The following SIGLEC9 variants were observed in gnomAD, a reference collection of about 807,000 sequenced individuals.
SIGLEC9 encodes the protein sialic acid-binding Ig-like lectin 9.
A neutral mutation model predicts 38.3 loss-of-function variants in SIGLEC9; 26 were observed. The ratio of observed to expected loss-of-function variants is 0.68; its 90% CI spans 0.50 to 0.94. SIGLEC9 has a LOEUF of 0.94. SIGLEC9 is among the 40% of genes least tolerant of loss of function. The pLI is 0.00. For synonymous variants in SIGLEC9, 236 were observed against 248.0 expected (o/e 0.95, Z 0.45); for missense variants, 556 against 585.7 (o/e 0.95, Z 0.52).
downstream of SIGLEC9, among the ~76,000 whole-genome samples, chr19:51,130,469 G>A (rs1202992679): frequency 6.6e-6 from 1 of 152,116 alleles, no homozygotes; most frequent in Non-Finnish European, 1.5e-5. Flanking sequence ...CAAAGGTCCT[G>A]CTGGGAACCT....
In SIGLEC9 at chr19:51,130,267, G is replaced by C; in HGVS notation, c.*188G>C. On this transcript the variant is annotated 3_prime_UTR_variant, in exon 7 of 7. Coordinates refer to ENST00000250360, the MANE Select transcript of SIGLEC9 (RefSeq NM_014441.3). ...TATCTCAAACCTGAATCCACACTGT[G>C]CCCTCCCTTTTATTTTTTTAACTAA... is the stretch of plus-strand genomic sequence containing the variant. 8.7e-7 allele frequency: 1 copy of C among 1,144,698 alleles called. No homozygotes were observed. Among genetic ancestry groups the C allele is most frequent in the African/African-American group, 1.6e-5 (1 of 62,776 alleles). The allele number at this position is 1,144,698 out of a possible 1,614,324, so 70.9% of individuals were successfully genotyped here. A position where few individuals can be genotyped will look rare whatever the true frequency, so the allele number is the denominator to read the frequency against.
downstream of SIGLEC9, among the ~76,000 whole-genome samples, chr19:51,132,873 A>G (rs952748426): frequency 7.9e-5 from 12 of 152,168 alleles, no homozygotes; most frequent in Non-Finnish European, 1.8e-4. Context: ...TATCACGTTC[A>G]TGGATTAGAA....
chr19:51,129,888 C>T lies in SIGLEC9; in HGVS notation c.1204-3C>T, dbSNP rs752202743. On this transcript the variant is annotated splice_polypyrimidine_tract_variant and splice_region_variant and intron_variant, in intron 6 of 6. Transcript: ENST00000250360. ...TGACTCACTTCTCTCTCCCATGTCT[C>T]AGGGGCCCCTGACTGAACCTTGGGC... 1.3e-6 allele frequency: 2 copies of T among 1,572,852 alleles called. No homozygotes were observed. The highest frequency in any genetic ancestry group is 1.7e-6 in the Non-Finnish European group (2 of 1,161,094).
chr19:51,125,693 G>A lies in SIGLEC9; in HGVS notation c.518G>A (p.Gly173Glu). ...TCSVPWACEQGTPPMISWIGT... is the reference protein window; with the variant it reads ...TCSVPWACEQETPPMISWIGT... ...TCTGTGCCCTGGGCCTGTGAGCAGG[G>A]GACACCCCCTATGATCTCCTGGATA... Residue 173 changes from glycine (G) to glutamate (E), a missense_variant, in exon 2 of 7, where the codon GGG (glycine) becomes GAG (glutamate). By Grantham distance (98) the Gly-to-Glu change is moderately conservative. Transcript: ENST00000250360. 1.2e-6 allele frequency: 2 copies of A among 1,613,950 alleles called. No homozygotes were observed. The highest frequency in any genetic ancestry group is 1.7e-6 in the Non-Finnish European group (2 of 1,179,998).
downstream of SIGLEC9, among the ~76,000 whole-genome samples, chr19:51,134,310 A>G (rs1265814016): frequency 6.6e-6 from 1 of 151,624 alleles, no homozygotes; most frequent in Non-Finnish European, 1.5e-5. Flanking sequence ...ATGCCCAGCT[A>G]ATTTTTGTAT....
At chr19:51,133,973 G>T (rs2092029914), downstream of SIGLEC9, among the ~76,000 whole-genome samples, 1 of 151,930 alleles carries the variant, frequency 6.6e-6, no homozygotes, top group Non-Finnish European at 1.5e-5. Flanking sequence ...AGATGCAAAA[G>T]AATACATGCT....
At position 51,128,503 on chromosome 19, in the gene SIGLEC9, C is replaced by G. The variant is rs1337145590; in HGVS notation, c.1196C>G (p.Ala399Gly). 8 of 1,613,630 alleles carry G rather than the reference C, an allele frequency of 5.0e-6. No individual in the cohort carries two copies. Among genetic ancestry groups the G allele is most frequent in the Non-Finnish European group, 5.9e-6 (7 of 1,179,752 alleles). Residue 399 changes from alanine (A) to glycine (G), a missense_variant, in exon 6 of 7, where the codon GCC (alanine) becomes GGC (glycine). Ala to Gly is a moderately conservative substitution (Grantham distance 60). Transcript: ENST00000250360. ...IEDANAVRGS[A>G]SQGPLTEPWA... ...GATGCAAACGCTGTCAGGGGTTCAG[C>G]CTCTCAGGTGAGTGATGTGGACTCT...
At chr19:51,127,328 G>A (rs567442119) in intron 4 of SIGLEC9, 32 bp downstream of exon 4, 1 of 1,575,746 alleles carries the variant, frequency 6.3e-7, no homozygotes, top group Admixed American at 1.8e-5. Flanking sequence ...GGAGGGGCTG[G>A]AGAGGAGAAC....
Position 51,125,664 on chromosome 19 carries a change from C to T in SIGLEC9, c.489C>T (p.Thr163=), listed in dbSNP as rs1448090123. The T allele has an allele frequency of 6.2e-7, 1 of 1,613,756 alleles. No individual in the cohort carries two copies. The highest frequency in any genetic ancestry group is 8.5e-7 in the Non-Finnish European group (1 of 1,180,006). The change falls in exon 2 of 7, where the codon ACC becomes ACT. Residue 163 remains threonine (T), a synonymous_variant. Coordinates refer to ENST00000250360, the MANE Select transcript of SIGLEC9 (RefSeq NM_014441.3). ...AGTCCGGCTGCCCCCAGAATCTGACCTGCTCTGTGCCCTGGGCCTGTGAGC... is the reference window on the plus strand; with the variant it reads ...AGTCCGGCTGCCCCCAGAATCTGACTTGCTCTGTGCCCTGGGCCTGTGAGC... ...TLESGCPQNL[T]CSVPWACEQG...
chr19:51,129,849 C>T (rs751356153), intron 6 of SIGLEC9, 42 bp from the exon 7 acceptor site: 5 of 1,447,742 alleles, frequency 3.5e-6, no homozygotes, highest in Middle Eastern at 1.8e-4. Context: ...GCGCCCCATC[C>T]TCACTGTCTG....
rs375911468 is a variant in SIGLEC9, at chr19:51,129,171, G to GTTTTTTTTTTTTTTTTTTTTTTTTTT, written c.1203+666_1203+667insTTTTTTTTTTTTTTTTTTTTTTTTTT. Among the ~76,000 whole-genome samples, 5 of 139,044 alleles carry GTTTTTTTTTTTTTTTTTTTTTTTTTT rather than the reference G, an allele frequency of 3.6e-5. 1 individual carries two copies. The highest frequency in any genetic ancestry group is 1.5e-4 in the African/African-American group (5 of 33,202). The allele number at this position is 139,044 out of a possible 152,430, so 91.2% of individuals were successfully genotyped here. A position where few individuals can be genotyped will look rare whatever the true frequency, so the allele number is the denominator to read the frequency against. ...GTTTTTTTTTTTTTTTGTTGTTGTT[G>GTTTTTTTTTTTTTTTTTTTTTTTTTT]TTTTTGAGACAGAGTCTTGCTCTGT... On this transcript the variant is annotated intron_variant, in intron 6 of 6. Coordinates refer to ENST00000250360, the MANE Select transcript of SIGLEC9 (RefSeq NM_014441.3).
chr19:51,134,082 G>C (rs2092030382), downstream of SIGLEC9, among the ~76,000 whole-genome samples: 1 of 151,558 alleles, frequency 6.6e-6, no homozygotes, highest in South Asian at 2.1e-4. Context: ...GTGGGATTTG[G>C]GGATTAACGT....
rs201669917 is a variant in SIGLEC9 at position 51,127,187 on chromosome 19, G to C, written c.906G>C (p.Pro302=). 1.9e-6 allele frequency: 3 copies of C among 1,614,224 alleles called. No homozygotes were observed. Among genetic ancestry groups the C allele is most frequent in the African/African-American group, 1.3e-5 (1 of 75,062 alleles). Residue 302 remains proline, a synonymous_variant, in exon 4 of 7, where the codon CCG becomes CCC. Coordinates refer to ENST00000250360, the MANE Select transcript of SIGLEC9 (RefSeq NM_014441.3). ...LTLCPSQPSN[P]GVLELPWVHL... Reference sequence around the variant, plus strand: ...TGTGCCCCTCACAGCCCTCAAACCCGGGGGTGCTGGAGCTGCCTTGGGTGC... The same window carrying C: ...TGTGCCCCTCACAGCCCTCAAACCCCGGGGTGCTGGAGCTGCCTTGGGTGC...
Position 51,127,283 on chromosome 19 carries a change from C to A in SIGLEC9, c.1002C>A (p.Asn334Lys), listed in dbSNP as rs144427909. 1.2e-6 allele frequency: 2 copies of A among 1,611,272 alleles called. No homozygotes were observed. Residue 334 changes from asparagine to lysine, a missense_variant, in exon 4 of 7, where the codon AAC becomes AAA. Coordinates refer to ENST00000250360, the MANE Select transcript of SIGLEC9 (RefSeq NM_014441.3). ...TCGGCTCTCAGCAGGTCTACCTGAA[C>A]GTCTCCCTGCAGAGTGAGTGCACCA... Reference protein sequence around the residue: ...NPLGSQQVYLNVSLQSKATSG... With the variant: ...NPLGSQQVYLKVSLQSKATSG...
upstream of SIGLEC9, among the ~76,000 whole-genome samples, chr19:51,123,890 T>C (rs560260117): frequency 1.3e-5 from 2 of 152,340 alleles, no homozygotes; most frequent in Non-Finnish European, 2.9e-5. Context: ...AATCTTCTGC[T>C]GAATTCAGGT....
At chr19:51,131,048 C>G (rs2092012455), downstream of SIGLEC9, among the ~76,000 whole-genome samples, 1 of 152,110 alleles carries the variant, frequency 6.6e-6, no homozygotes, top group Non-Finnish European at 1.5e-5. Flanking sequence ...AAGCCAAACC[C>G]AGGGAATGAG....
downstream of SIGLEC9, chr19:51,130,332 T>C (rs2092008901): frequency 3.8e-6 from 2 of 526,144 alleles, no homozygotes; most frequent in Non-Finnish European, 5.6e-6. Context: ...CTTGGTTTCC[T>C]GCTCTGTAAA....
chr19:51,127,427 T>C, intron 4 of SIGLEC9, 131 bp downstream of exon 4: 1 of 1,016,996 alleles, frequency 9.8e-7, no homozygotes, highest in Non-Finnish European at 1.4e-6. Context: ...GGTCTGGAAC[T>C]TCCCTGGGAC....
chr19:51,135,804 G>T (rs749004217), intron 6 of SIGLEC9, among the ~76,000 whole-genome samples: 73 of 151,766 alleles, frequency 4.8e-4, no homozygotes, highest in Non-Finnish European at 9.3e-4. Context: ...TGTCTGATTG[G>T]GTTGATTCAG....
Sources: gnomAD v4.1 joint callset for allele counts (sites outside exome capture counted in the v4.1 genomes callset) on GRCh38, gnomAD v4.1.1 for gene constraint, MANE v1.5 for transcripts, NCBI Gene and HGNC (gene_info 2026-07-23, HGNC 2026-07-21) for gene names.